RAB31: variants seen among roughly 807,000 people sequenced by gnomAD.
RAB31 encodes ras-related protein Rab-31.
RAB31 carries 21 observed loss-of-function variants against 25.6 expected under a neutral mutation model. The ratio of observed to expected loss-of-function variants is 0.82; its 90% CI spans 0.58 to 1.18. The LOEUF (loss-of-function observed/expected upper bound fraction) is 1.18, where lower values mean the gene tolerates loss of function less well. Among genes scored for constraint, RAB31 ranks in the 50% most tolerant of loss-of-function variants. The probability of loss-of-function intolerance (pLI) is 0.00; values close to 1 mark genes in which losing one functional copy is unlikely to be tolerated. For missense variants in RAB31, 196 were observed against 250.1 expected, an observed-to-expected ratio of 0.78 and a Z score of 1.46; for synonymous variants, 87 against 84.0, an observed-to-expected ratio of 1.04 and a Z score of -0.20.
intron 1 of RAB31, among the ~76,000 whole-genome samples, chr18:9,759,702 G>GA (rs1441244381): frequency 6.6e-6 from 1 of 152,134 alleles, no homozygotes; most frequent in Non-Finnish European, 1.5e-5. Context: ...CAGGAGGGGT[G>GA]AAAAGGGCAA....
At chr18:9,782,377 C>A (rs1404549016) in intron 2 of RAB31, among the ~76,000 whole-genome samples, 1 of 152,204 alleles carries the variant, frequency 6.6e-6, no homozygotes, top group Non-Finnish European at 1.5e-5. Context: ...TTGTTCTTCC[C>A]ACTGGAATCA....
intron 2 of RAB31, among the ~76,000 whole-genome samples, chr18:9,783,088 A>ATG (rs1308237093): frequency 1.3e-5 from 2 of 152,192 alleles, no homozygotes; most frequent in African/African-American, 2.4e-5. Flanking sequence ...ACAGAGGGAT[A>ATG]TGTGTGTGTG....
chr18:9,730,802 GGGCGGCA>G (rs2068119102), intron 1 of RAB31, among the ~76,000 whole-genome samples: 1 of 152,200 alleles, frequency 6.6e-6, no homozygotes, highest in African/African-American at 2.4e-5. Context: ...CAGGGTGGCT[GGGCGGCA>G]GGCATTCATT....
At chr18:9,770,159 T>C (rs35530533) in intron 1 of RAB31, among the ~76,000 whole-genome samples, 10,046 of 152,218 alleles carry the variant, frequency 0.066, 707 homozygotes, top group African/African-American at 0.17. Flanking sequence ...TCTTTTTTTG[T>C]TGTGTCTCTG....
chr18:9,813,679 C>T (rs2068586387), intron 3 of RAB31, among the ~76,000 whole-genome samples: 1 of 152,072 alleles, frequency 6.6e-6, no homozygotes, highest in Admixed American at 6.6e-5. Context: ...TGGTGAAACT[C>T]TGTCTCTAAT....
chr18:9,759,497 G>T (rs2068276816), intron 1 of RAB31, among the ~76,000 whole-genome samples: 1 of 151,770 alleles, frequency 6.6e-6, no homozygotes, highest in South Asian at 2.1e-4. Context: ...AAACTATTTA[G>T]GTCATAGATT....
chr18:9,850,992 G>A (rs986660394), intron 6 of RAB31, among the ~76,000 whole-genome samples: 1 of 152,216 alleles, frequency 6.6e-6, no homozygotes, highest in Non-Finnish European at 1.5e-5. Context: ...TAGTGATCAT[G>A]TCTTGTTCTG....
chr18:9,749,400 A>C lies in RAB31; in HGVS notation c.40-25878A>C, dbSNP rs112956687. Reference sequence around the variant, plus strand: ...CGGAAGTGCAGGGACACCCAGGAAGAGATTTAAGTTCTGTGTGTCTGATTC... The same window carrying C: ...CGGAAGTGCAGGGACACCCAGGAAGCGATTTAAGTTCTGTGTGTCTGATTC... On this transcript the variant is annotated intron_variant, in intron 1 of 6. Transcript: ENST00000578921. 2.2e-3 allele frequency among the ~76,000 whole-genome samples: 339 copies of C among 152,322 alleles called. 2 individuals carry two copies. Among genetic ancestry groups the C allele is most frequent in the South Asian group, 0.011 (53 of 4,826 alleles).
intron 3 of RAB31, among the ~76,000 whole-genome samples, chr18:9,793,870 C>T (rs59951430): frequency 6.6e-6 from 1 of 152,128 alleles, no homozygotes; most frequent in Non-Finnish European, 1.5e-5. Flanking sequence ...TTTTCTTGCC[C>T]TACTCCACTC....
chr18:9,845,973 A>T (rs144774794), intron 6 of RAB31, among the ~76,000 whole-genome samples: 121 of 152,386 alleles, frequency 7.9e-4, no homozygotes, highest in Non-Finnish European at 1.4e-3. Context: ...ATTGAAAATT[A>T]TGCATTCTGT....
rs183612286 is a variant in RAB31 at position 9,762,923 on chromosome 18, A to G, written c.40-12355A>G. On this transcript the variant is annotated intron_variant, in intron 1 of 6. Coordinates refer to ENST00000578921, the MANE Select transcript of RAB31 (RefSeq NM_006868.4). ...AACAGGAGTTTCCTTTGCCACCAGC[A>G]GGGTAGGGGAGCTGCCACCATTGAG... is the stretch of plus-strand genomic sequence containing the variant. Among the ~76,000 whole-genome samples, 181 of 152,220 alleles carry G rather than the reference A, an allele frequency of 1.2e-3. 1 individual carries two copies. Among genetic ancestry groups the G allele is most frequent in the African/African-American group, 4.0e-3 (165 of 41,520 alleles).
intron 5 of RAB31, among the ~76,000 whole-genome samples, chr18:9,840,801 G>A (rs977780058): frequency 1.3e-5 from 2 of 152,080 alleles, no homozygotes; most frequent in African/African-American, 4.8e-5. Context: ...TACAAATTTG[G>A]GGTCTCCTAT....
intron 1 of RAB31, among the ~76,000 whole-genome samples, chr18:9,727,693 T>G (rs1021862434): frequency 6.6e-6 from 1 of 152,242 alleles, no homozygotes; most frequent in African/African-American, 2.4e-5. Context: ...TCTCAAATAT[T>G]AAAAATGTCT....
intron 3 of RAB31, among the ~76,000 whole-genome samples, chr18:9,813,626 T>C (rs975694931): frequency 6.6e-6 from 1 of 152,078 alleles, no homozygotes; most frequent in South Asian, 2.1e-4. Context: ...CTGAGGCAGG[T>C]GGACCACCTG....
At chr18:9,770,792 A>G (rs1292023656) in intron 1 of RAB31, among the ~76,000 whole-genome samples, 1 of 151,216 alleles carries the variant, frequency 6.6e-6, no homozygotes, top group Non-Finnish European at 1.5e-5. Flanking sequence ...GAGTAACTTG[A>G]GCTATGCAAC....
intron 3 of RAB31, among the ~76,000 whole-genome samples, chr18:9,803,330 G>A (rs1599045146): frequency 6.6e-6 from 1 of 151,276 alleles, no homozygotes; most frequent in African/African-American, 2.4e-5. Flanking sequence ...TGACCTCCTG[G>A]ACTCAAGCAA....
intron 1 of RAB31, among the ~76,000 whole-genome samples, chr18:9,773,145 A>G (rs1160305498): frequency 2.0e-5 from 3 of 152,096 alleles, no homozygotes. Context: ...GACCTTCTGG[A>G]GAGGGGTTTT....
intron 2 of RAB31, among the ~76,000 whole-genome samples, chr18:9,789,752 G>C (rs2068450867): frequency 6.6e-6 from 1 of 152,018 alleles, no homozygotes; most frequent in African/African-American, 2.4e-5. Context: ...GAATATATTA[G>C]GTCTCCCCGG....
chr18:9,810,191 A>G lies in RAB31; in HGVS notation c.202-3829A>G, dbSNP rs573544933. ...TTGCTGGGTAGTCAGGGAAGAAGGG[A>G]TTTTGAATTGGCATCTGTTGTGCTA... On this transcript the variant is annotated intron_variant, in intron 3 of 6. Coordinates refer to ENST00000578921, the MANE Select transcript of RAB31 (RefSeq NM_006868.4). 3.5e-4 allele frequency among the ~76,000 whole-genome samples: 54 copies of G among 152,352 alleles called. No individual in the cohort carries two copies. In the South Asian group the frequency reaches 0.011, roughly 32 times the overall value.
Sources: gnomAD v4.1 joint callset for allele counts (sites outside exome capture counted in the v4.1 genomes callset) on GRCh38, gnomAD v4.1.1 for gene constraint, MANE v1.5 for transcripts, NCBI Gene and HGNC (gene_info 2026-07-23, HGNC 2026-07-21) for gene names.